PRKAR2A: variants seen among roughly 807,000 people sequenced by gnomAD.
PRKAR2A encodes protein kinase cAMP-dependent type II regulatory subunit alpha, also known as cAMP-dependent protein kinase type II-alpha regulatory subunit.
Under a neutral mutation model 51.9 loss-of-function variants are expected in PRKAR2A, and 29 were observed. That is an observed-to-expected ratio of 0.56 (90% CI 0.42 to 0.76). The LOEUF is 0.76. Among genes scored for constraint, PRKAR2A ranks in the 30% least tolerant of loss-of-function variants. The pLI is 0.00. For synonymous variants in PRKAR2A, 178 were observed against 186.2 expected (o/e 0.96, Z 0.36); for missense variants, 445 against 512.1 (o/e 0.87, Z 1.26).
At chr3:48,841,958 C>T (rs776202116) in intron 1 of PRKAR2A, among the ~76,000 whole-genome samples, 25 of 152,002 alleles carry the variant, frequency 1.6e-4, no homozygotes, top group African/African-American at 4.8e-4. Context: ...CAAAGAATGA[C>T]GATATAATAC....
intron 9 of PRKAR2A, among the ~76,000 whole-genome samples, chr3:48,754,854 T>C (rs1309866757): frequency 6.6e-6 from 1 of 150,476 alleles, no homozygotes; most frequent in Non-Finnish European, 1.5e-5. Context: ...GGGTTGGAGG[T>C]TGCAGTGAGT....
intron 1 of PRKAR2A, among the ~76,000 whole-genome samples, chr3:48,829,606 ATGTGTGTG>A (rs56027700): frequency 1.3e-5 from 1 of 77,382 alleles, no homozygotes; most frequent in African/African-American, 7.0e-5. Flanking sequence ...ACACACATAA[ATGTGTGTG>A]TGTATACGTG....
At chr3:48,822,297 A>G (rs1034446986) in intron 1 of PRKAR2A, among the ~76,000 whole-genome samples, 1 of 151,558 alleles carries the variant, frequency 6.6e-6, no homozygotes, top group Admixed American at 6.6e-5. Context: ...TGCATGGGGT[A>G]TAAATATGGT....
At chr3:48,825,316 C>A (rs2083045294) in intron 1 of PRKAR2A, among the ~76,000 whole-genome samples, 1 of 151,520 alleles carries the variant, frequency 6.6e-6, no homozygotes, top group Admixed American at 6.6e-5. Context: ...GCCTGATTTT[C>A]TTTTTCTAAG....
At chr3:48,756,346 T>G in intron 9 of PRKAR2A, 33 bp downstream of exon 9, 2 of 1,559,798 alleles carry the variant, frequency 1.3e-6, no homozygotes, top group Non-Finnish European at 1.8e-6. Context: ...ACTTTTTGTG[T>G]GTACACCATC....
At chr3:48,816,308 A>C (rs2082873725) in intron 1 of PRKAR2A, among the ~76,000 whole-genome samples, 1 of 151,792 alleles carries the variant, frequency 6.6e-6, no homozygotes, top group African/African-American at 2.4e-5. Context: ...TAGACCATGA[A>C]CTCTTAGAAG....
At chr3:48,771,024 G>A (rs148037346) in intron 6 of PRKAR2A, among the ~76,000 whole-genome samples, 1,812 of 151,154 alleles carry the variant, frequency 0.012, 37 homozygotes, top group African/African-American at 0.042. Context: ...TCAGGAGTTC[G>A]AGACCAGCCT....
chr3:48,802,486 A>T (rs1442707492), intron 2 of PRKAR2A, among the ~76,000 whole-genome samples: 1 of 152,180 alleles, frequency 6.6e-6, no homozygotes, highest in African/African-American at 2.4e-5. Context: ...GAATAGGCTT[A>T]AGAGGCCAGG....
intron 9 of PRKAR2A, among the ~76,000 whole-genome samples, chr3:48,752,915 CCTTTTT>C (rs1482080369): frequency 2.3e-5 from 3 of 130,902 alleles, no homozygotes; most frequent in Non-Finnish European, 4.8e-5. Context: ...GTTCCCTCCT[CCTTTTT>C]TTTTTTTTTT....
intron 6 of PRKAR2A, among the ~76,000 whole-genome samples, chr3:48,765,724 CAAA>C: frequency 2.2e-5 from 1 of 45,254 alleles, no homozygotes; most frequent in Non-Finnish European, 3.7e-5. Context: ...ACCCTCATTT[CAAA>C]AAAAAAAAAA....
chr3:48,816,547 A>G (rs1376672011), intron 1 of PRKAR2A, among the ~76,000 whole-genome samples: 1 of 152,104 alleles, frequency 6.6e-6, no homozygotes, highest in Non-Finnish European at 1.5e-5. Context: ...CTGAGGCAGG[A>G]GAATTGCTTG....
In PRKAR2A at chr3:48,783,684, G is replaced by A. The variant is rs531487192; in HGVS notation, c.436-592C>T. 5.2e-4 allele frequency among the ~76,000 whole-genome samples: 79 copies of A among 152,182 alleles called. 1 individual carries two copies. Among genetic ancestry groups the A allele is most frequent in the African/African-American group, 1.6e-3 (66 of 41,530 alleles). ...CAACCTCTACCTCCCGAGTTCAAGC[G>A]ATTCTCCTGCCTCGGCCTCCTGAGT... On this transcript the variant is annotated intron_variant, in intron 4 of 10. Transcript: ENST00000265563.
chr3:48,757,396 G>A (rs946672718), intron 8 of PRKAR2A, among the ~76,000 whole-genome samples: 3 of 152,002 alleles, frequency 2.0e-5, no homozygotes, highest in Admixed American at 6.6e-5. Context: ...GGCTCCCTCC[G>A]GAGTTCAGTC....
intron 1 of PRKAR2A, among the ~76,000 whole-genome samples, chr3:48,841,279 C>T (rs992299642): frequency 4.0e-5 from 6 of 151,664 alleles, no homozygotes. Context: ...GGAACGGTGG[C>T]TCACACCTGT....
At chr3:48,755,816 T>C (rs1357945009) in intron 9 of PRKAR2A, among the ~76,000 whole-genome samples, 2 of 148,066 alleles carry the variant, frequency 1.4e-5, no homozygotes, top group Non-Finnish European at 3.0e-5. Context: ...TCTCGCTCTG[T>C]CGCCCAGGCT....
chr3:48,816,466 C>T (rs2082875880), intron 1 of PRKAR2A, among the ~76,000 whole-genome samples: 1 of 151,548 alleles, frequency 6.6e-6, no homozygotes, highest in African/African-American at 2.4e-5. Context: ...TGGTGAAACC[C>T]CATCTCTACT....
At chr3:48,759,059 T>C (rs947675862) in intron 8 of PRKAR2A, among the ~76,000 whole-genome samples, 2 of 152,232 alleles carry the variant, frequency 1.3e-5, no homozygotes, top group African/African-American at 4.8e-5. Context: ...CAATGGATTA[T>C]GATAATGTGA....
At chr3:48,810,935 G>A (rs2107370808) in intron 1 of PRKAR2A, among the ~76,000 whole-genome samples, 1 of 152,252 alleles carries the variant, frequency 6.6e-6, no homozygotes, top group African/African-American at 2.4e-5. Flanking sequence ...TCAGCATTTT[G>A]GGAGGCCAAG....
intron 1 of PRKAR2A, among the ~76,000 whole-genome samples, chr3:48,829,287 G>C (rs1161274287): frequency 6.6e-6 from 1 of 151,648 alleles, no homozygotes; most frequent in South Asian, 2.1e-4. Flanking sequence ...GGGAGGCCCA[G>C]GTGGGCAGAT....
Sources: allele counts gnomAD v4.1 joint callset (sites outside exome capture counted in the v4.1 genomes callset), GRCh38; gene constraint gnomAD v4.1.1; transcripts MANE v1.5; gene names NCBI Gene and HGNC (gene_info 2026-07-23, HGNC 2026-07-21).